SVOP: variants seen among roughly 807,000 people sequenced by gnomAD.
SVOP encodes SV2 related protein, also known as synaptic vesicle 2-related protein.
A neutral mutation model predicts 69.1 loss-of-function variants in SVOP; 17 were observed. The observed-to-expected ratio is 0.25, with a 90% CI of 0.17 to 0.37. The LOEUF is 0.37. Among genes scored for constraint, SVOP ranks in the 10% least tolerant of loss-of-function variants. The pLI is 1.00. For synonymous variants in SVOP, 238 were observed against 238.6 expected, an observed-to-expected ratio of 1.00 and a Z score of 0.02; for missense variants, 435 against 597.5, an observed-to-expected ratio of 0.73 and a Z score of 2.84.
rs140718809 is a variant in SVOP, at chr12:108,950,087, A to G, written c.579-4921T>C. On this transcript the variant is annotated intron_variant, in intron 6 of 15. Transcript: ENST00000610966. ...CTACAGCTTTATTTATTTTTGAGAC[A>G]GGGTTTTGTTCTGTCACCCAGGCTG... 2.0e-4 allele frequency among the ~76,000 whole-genome samples: 31 copies of G among 152,212 alleles called. No homozygotes were observed. The East Asian group carries it at 5.0e-3, about 25-fold the overall frequency.
intron 11 of SVOP, among the ~76,000 whole-genome samples, chr12:108,926,893 C>T (rs1367695533): frequency 6.6e-6 from 1 of 152,200 alleles, no homozygotes; most frequent in Non-Finnish European, 1.5e-5. Flanking sequence ...GCGCTGACTA[C>T]CTTTGTTCTG....
At chr12:109,003,134 G>A (rs1484244989) in intron 1 of SVOP, among the ~76,000 whole-genome samples, 1 of 152,144 alleles carries the variant, frequency 6.6e-6, no homozygotes, top group Non-Finnish European at 1.5e-5. Flanking sequence ...TACTGTTCTA[G>A]AGGAGTTATG....
At chr12:109,020,700 A>T in intron 1 of SVOP, 134 bp downstream of exon 1, 6 of 381,366 alleles carry the variant, frequency 1.6e-5, no homozygotes, top group Admixed American at 7.0e-5. Context: ...TCCAGGCCCT[A>T]ATTCCTTCCT....
chr12:108,918,048 G>A lies in SVOP; in HGVS notation c.1345C>T (p.Pro449Ser), dbSNP rs1160621114. 2 of 1,576,762 alleles carry A rather than the reference G, an allele frequency of 1.3e-6. No individual in the cohort carries two copies. The highest frequency in any genetic ancestry group is 1.7e-6 in the Non-Finnish European group (2 of 1,161,056). ...CTCCCAGACACCCCTCCTACCTCAG[G>A]TGTGTAAACATATGCCGCTTGAAAG... is the stretch of plus-strand genomic sequence containing the variant. ...GGFQAAYVYTPEVYPTATRAL... is the reference protein window; with the variant it reads ...GGFQAAYVYTSEVYPTATRAL... The change falls in exon 14 of 16, where the codon CCT becomes TCT. Residue 449 changes from proline to serine, a missense_variant. By Grantham distance (74) the Pro-to-Ser change is moderately conservative. Coordinates refer to ENST00000610966, the MANE Select transcript of SVOP (RefSeq NM_018711.5).
chr12:108,969,096 T>C (rs898345256), intron 5 of SVOP, among the ~76,000 whole-genome samples: 18 of 152,076 alleles, frequency 1.2e-4, no homozygotes, highest in Non-Finnish European at 2.2e-4. Flanking sequence ...CCTTTGATTA[T>C]TTTAAAGGCT....
intron 10 of SVOP, among the ~76,000 whole-genome samples, chr12:108,936,603 G>A (rs190937497): frequency 6.6e-6 from 1 of 152,252 alleles, no homozygotes; most frequent in Non-Finnish European, 1.5e-5. Flanking sequence ...AGCCTCCTGA[G>A]TAGCTGGGAC....
chr12:108,969,754 T>G (rs2040068172), intron 5 of SVOP, among the ~76,000 whole-genome samples: 1 of 121,462 alleles, frequency 8.2e-6, no homozygotes, highest in Non-Finnish European at 1.8e-5. Context: ...GTCCTTAAAC[T>G]CTTGTTCATT....
chr12:108,990,019 A>G (rs36178061), intron 1 of SVOP, among the ~76,000 whole-genome samples: 135,290 of 152,204 alleles, frequency 0.89, 61,258 homozygotes, highest in Non-Finnish European at 0.99. Flanking sequence ...CTCAGGTTAC[A>G]GCAGTTGCCC....
At chr12:108,924,313 A>G (rs1393099667) in intron 11 of SVOP, among the ~76,000 whole-genome samples, 1 of 152,160 alleles carries the variant, frequency 6.6e-6, no homozygotes, top group Non-Finnish European at 1.5e-5. Context: ...TAGCAGTCCA[A>G]ATTGATTCAC....
intron 7 of SVOP, among the ~76,000 whole-genome samples, chr12:108,943,597 C>CA (rs775201650): frequency 0.042 from 2,060 of 49,390 alleles, 22 homozygotes; most frequent in Middle Eastern, 0.18. Flanking sequence ...AACTCTGTCT[C>CA]ACAAAAAAAA....
intron 5 of SVOP, among the ~76,000 whole-genome samples, chr12:108,964,752 T>G (rs930089514): frequency 6.6e-6 from 1 of 152,172 alleles, no homozygotes; most frequent in African/African-American, 2.4e-5. Context: ...TGACTGTCAT[T>G]CCGTCTAATA....
chr12:108,928,997 T>C (rs1015849036), intron 11 of SVOP, among the ~76,000 whole-genome samples: 23 of 152,230 alleles, frequency 1.5e-4, no homozygotes, highest in Non-Finnish European at 2.8e-4. Context: ...CAGGCCTTGC[T>C]GACTTTCCCC....
chr12:108,984,393 C>T (rs1372793180), intron 1 of SVOP, among the ~76,000 whole-genome samples: 2 of 152,190 alleles, frequency 1.3e-5, no homozygotes, highest in African/African-American at 4.8e-5. Flanking sequence ...GAATATCTCG[C>T]TGTCTGGAGC....
In SVOP at chr12:108,938,950, C is replaced by A. The variant is rs779695621; in HGVS notation, c.774G>T (p.Leu258=). The A allele has an allele frequency of 1.5e-5, 24 of 1,613,952 alleles. No homozygotes were observed. In the Middle Eastern group the frequency reaches 6.6e-4, roughly 44 times the overall value. Residue 258 remains leucine (L), a synonymous_variant, in exon 9 of 16, where the codon CTG becomes CTT. Transcript: ENST00000610966. ...LLLFAVLCFW[L]PESARYDVLS... ...GCACATCATACCTTGCACTTTCAGGCAGCCACTGGGATGGGGGAGACAGGA... is the reference window on the plus strand; with the variant it reads ...GCACATCATACCTTGCACTTTCAGGAAGCCACTGGGATGGGGGAGACAGGA...
chr12:108,923,592 G>A (rs1172673560), intron 11 of SVOP, among the ~76,000 whole-genome samples: 1 of 151,996 alleles, frequency 6.6e-6, no homozygotes, highest in African/African-American at 2.4e-5. Context: ...CCAGACTCCT[G>A]ACCTACAGAA....
chr12:108,922,821 A>G, intron 11 of SVOP, 24 bp from the exon 12 acceptor site: 4 of 1,521,302 alleles, frequency 2.6e-6, no homozygotes, highest in Non-Finnish European at 3.6e-6. Flanking sequence ...AGAGAAAGAG[A>G]GGGGGAGACA....
chr12:108,934,632 A>G (rs1340055394), intron 10 of SVOP, among the ~76,000 whole-genome samples: 1 of 152,198 alleles, frequency 6.6e-6, no homozygotes, highest in Non-Finnish European at 1.5e-5. Flanking sequence ...GTCGGCCAAG[A>G]TACAGATCAT....
chr12:109,006,744 G>T (rs904877868), intron 1 of SVOP, among the ~76,000 whole-genome samples: 3 of 152,146 alleles, frequency 2.0e-5, no homozygotes, highest in African/African-American at 7.2e-5. Flanking sequence ...AAAGAAGGCG[G>T]CTGGAGAGAC....
intron 1 of SVOP, among the ~76,000 whole-genome samples, chr12:109,015,175 C>T (rs1348597402): frequency 3.9e-5 from 6 of 152,008 alleles, no homozygotes; most frequent in African/African-American, 9.7e-5. Flanking sequence ...AGCTTTCTAG[C>T]GGGTGGATCC....
Sources: gnomAD v4.1 joint callset for allele counts (sites outside exome capture counted in the v4.1 genomes callset) on GRCh38, gnomAD v4.1.1 for gene constraint, MANE v1.5 for transcripts, NCBI Gene and HGNC (gene_info 2026-07-23, HGNC 2026-07-21) for gene names.